DSCC1: variants seen among roughly 807,000 people sequenced by gnomAD.
DSCC1 encodes the protein DNA replication and sister chromatid cohesion 1, also known as sister chromatid cohesion protein DCC1.
A neutral mutation model predicts 48.2 loss-of-function variants in DSCC1; 32 were observed. The observed-to-expected ratio is 0.66, with a 90% CI of 0.50 to 0.89. The LOEUF is 0.89. DSCC1 is among the 40% of genes least tolerant of loss of function. DSCC1 has a pLI of 0.00. For synonymous variants in DSCC1, 150 were observed against 171.5 expected (o/e 0.87, Z 0.98); for missense variants, 421 against 471.7 (o/e 0.89, Z 1.00).
chr8:119,842,041 G>T, intron 6 of DSCC1, 93 bp from the exon 7 acceptor site: 1 of 1,384,548 alleles, frequency 7.2e-7, no homozygotes, highest in Non-Finnish European at 9.8e-7. Context: ...TTCTTGAAAG[G>T]AATTATACAC....
intron 3 of DSCC1, among the ~76,000 whole-genome samples, chr8:119,849,539 A>G (rs1232596302): frequency 6.6e-6 from 1 of 152,236 alleles, no homozygotes; most frequent in Non-Finnish European, 1.5e-5. Flanking sequence ...TGTCCAGAAT[A>G]GGCAAATCTA....
chr8:119,853,286 T>TG, intron 1 of DSCC1, 71 bp from the exon 2 acceptor site: 1 of 1,478,808 alleles, frequency 6.8e-7, no homozygotes, highest in Non-Finnish European at 9.1e-7. Context: ...TAAACAGTTC[T>TG]CAAACCCTCT....
In DSCC1 at chr8:119,847,002, A is replaced by G. The variant is rs774809591; in HGVS notation, c.565T>C (p.Cys189Arg). Residue 189 changes from cysteine (C) to arginine (R), a missense_variant, in exon 4 of 9, where the codon TGT (cysteine) becomes CGT (arginine). By Grantham distance (180) the Cys-to-Arg change is radical. This residue lies in a region of DSCC1 where 238 missense variants were observed against 259.0 expected (regional missense o/e 0.92). Transcript: ENST00000313655. ...TAAGTAACGCTACCTCCAATCTTAC[A>G]GGCATTTAGAACTTGTAATTGGGTC... ...IMTQLQVLNA[C>R]KIGGYWRILE... The G allele has an allele frequency of 6.2e-7, 1 of 1,613,722 alleles. No homozygotes were observed. Among genetic ancestry groups the G allele is most frequent in the South Asian group, 1.1e-5 (1 of 91,080 alleles).
In DSCC1 at chr8:119,834,996, A is replaced by C; in HGVS notation, c.1079T>G (p.Leu360Trp). 2 of 1,579,224 alleles carry C rather than the reference A, an allele frequency of 1.3e-6. No individual in the cohort carries two copies. The highest frequency in any genetic ancestry group is 1.7e-6 in the Non-Finnish European group (2 of 1,153,512). Residue 360 changes from leucine (L) to tryptophan (W), a missense_variant, in exon 9 of 9, where the codon TTG becomes TGG. Transcript: ENST00000313655. ...ACCTATGGTTTGCTTCTCTCCACAC[A>C]AATCTCTGTAGGAACAATAAAAAAT... The part of the protein sequence containing the change: ...EEDIAPYIQD[L>W]CGEKQTIGAL...
At chr8:119,853,011 T>C in intron 2 of DSCC1, 36 bp downstream of exon 2, 1 of 1,493,106 alleles carries the variant, frequency 6.7e-7, no homozygotes, top group South Asian at 1.4e-5. Context: ...GTTTTCATTC[T>C]CAGACTTTTA....
chr8:119,834,732 C>T lies in DSCC1; in HGVS notation c.*161G>A. The T allele has an allele frequency of 1.6e-6, 1 of 630,532 alleles. No individual in the cohort carries two copies. Among genetic ancestry groups the T allele is most frequent in the Non-Finnish European group, 2.8e-6 (1 of 353,010 alleles). 39.1% of individuals were successfully genotyped at this position (630,532 alleles called of 1,614,324 possible). On this transcript the variant is annotated 3_prime_UTR_variant, in exon 9 of 9. Transcript: ENST00000313655. Reference sequence around the variant, plus strand: ...ATAATTTTAAAGCTACATCCTATAACATTTAAGAAATAACAGTAGTTTCAA... The same window carrying T: ...ATAATTTTAAAGCTACATCCTATAATATTTAAGAAATAACAGTAGTTTCAA...
chr8:119,842,909 T>C lies in DSCC1; in HGVS notation c.717-81A>G, dbSNP rs941549584. 8 of 1,174,264 alleles carry C rather than the reference T, an allele frequency of 6.8e-6. No homozygotes were observed. In the African/African-American group the frequency reaches 1.3e-4, roughly 19 times the overall value. 72.7% of individuals were successfully genotyped at this position (1,174,264 alleles called of 1,614,324 possible). A position where few individuals can be genotyped will look rare whatever the true frequency, so the allele number is the denominator to read the frequency against. ...TTTAACCCCATTGCCAACTCAAAATTAAGAAAGAAATTTGAGATTTCAAAT... is the reference window on the plus strand; with the variant it reads ...TTTAACCCCATTGCCAACTCAAAATCAAGAAAGAAATTTGAGATTTCAAAT... On this transcript the variant is annotated intron_variant, in intron 5 of 8. Coordinates refer to ENST00000313655, the MANE Select transcript of DSCC1 (RefSeq NM_024094.3).
chr8:119,843,810 T>G, intron 4 of DSCC1, 63 bp from the exon 5 acceptor site: 1 of 1,519,368 alleles, frequency 6.6e-7, no homozygotes, highest in Non-Finnish European at 8.9e-7. Flanking sequence ...GGGTCTCAAC[T>G]CTGTCACCCA....
intron 3 of DSCC1, among the ~76,000 whole-genome samples, chr8:119,850,132 A>G (rs1235111741): frequency 6.6e-6 from 1 of 152,212 alleles, no homozygotes; most frequent in Non-Finnish European, 1.5e-5. Flanking sequence ...AAAAATTAAA[A>G]AGATGGAAGG....
At position 119,841,838 on chromosome 8, in the gene DSCC1, G is replaced by C. The variant is rs1253124834; in HGVS notation, c.880C>G (p.Gln294Glu). The C allele has an allele frequency of 6.2e-7, 1 of 1,613,884 alleles. No homozygotes were observed. Among genetic ancestry groups the C allele is most frequent in the Non-Finnish European group, 8.5e-7 (1 of 1,179,994 alleles). Residue 294 changes from glutamine to glutamate, a missense_variant, in exon 7 of 9, where the codon CAG becomes GAG. This residue lies in a region of DSCC1 where 238 missense variants were observed against 259.0 expected (regional missense o/e 0.92). Transcript: ENST00000313655. The part of the protein sequence containing the change: ...NLAEFQEVWQ[Q>E]SVPEGMVTSL... The stretch of plus-strand genomic sequence containing the variant: ...GTTACCATTCCTTCAGGAACACTCT[G>C]CTGCCACACTTCTTGAAACTCAGCG...
At chr8:119,842,390 T>TC (rs1228066105) in intron 6 of DSCC1, among the ~76,000 whole-genome samples, 91 of 150,952 alleles carry the variant, frequency 6.0e-4, no homozygotes, top group African/African-American at 2.1e-3. Context: ...TTTTTTTTTT[T>TC]TCTTTCTGAG....
At chr8:119,847,175 AAGG>A in intron 3 of DSCC1, 95 bp from the exon 4 acceptor site, 1 of 1,045,132 alleles carries the variant, frequency 9.6e-7, no homozygotes. Flanking sequence ...AGAACAGATT[AAGG>A]CAATATTTAT....
intron 4 of DSCC1, 46 bp from the exon 5 acceptor site, chr8:119,843,793 T>TA: frequency 6.5e-7 from 1 of 1,536,856 alleles, no homozygotes. Flanking sequence ...TTTTTTTTTT[T>TA]AAGGCAGGGT....
intron 4 of DSCC1, among the ~76,000 whole-genome samples, chr8:119,844,233 T>G (rs562417557): frequency 6.6e-6 from 1 of 151,956 alleles, no homozygotes; most frequent in African/African-American, 2.4e-5. Flanking sequence ...AGGCCAGGAG[T>G]TCGAGACCAG....
rs1826650593 is a variant in DSCC1, at chr8:119,834,775, G to A, written c.*118C>T. On this transcript the variant is annotated 3_prime_UTR_variant, in exon 9 of 9. Transcript: ENST00000313655. ...AGTTTCAAAATGCTTAAGATGAGGA[G>A]AAAAATGCCTTAGAAGACTAGGTTT... 4.3e-6 allele frequency: 3 copies of A among 702,466 alleles called. No individual in the cohort carries two copies. The Admixed American group carries it at 8.4e-5, about 20-fold the overall frequency. 43.5% of individuals were successfully genotyped at this position (702,466 alleles called of 1,614,324 possible).
chr8:119,837,076 G>C (rs1277502622), intron 8 of DSCC1, among the ~76,000 whole-genome samples: 2 of 151,380 alleles, frequency 1.3e-5, no homozygotes, highest in Admixed American at 6.6e-5. Context: ...AAAGCATAGA[G>C]TGAGTATAGG....
intron 2 of DSCC1, among the ~76,000 whole-genome samples, chr8:119,851,047 C>T (rs1027594034): frequency 3.3e-5 from 5 of 152,216 alleles, no homozygotes; most frequent in African/African-American, 9.6e-5. Context: ...TTCCACTGTT[C>T]GATTTGTGAA....
chr8:119,852,423 G>A (rs1437756672), intron 2 of DSCC1, among the ~76,000 whole-genome samples: 7 of 151,994 alleles, frequency 4.6e-5, no homozygotes, highest in Non-Finnish European at 7.4e-5. Flanking sequence ...GCGTGATCTC[G>A]GCTCTCTGAA....
intron 6 of DSCC1, 95 bp downstream of exon 6, chr8:119,842,681 C>A: frequency 8.5e-7 from 1 of 1,176,078 alleles, no homozygotes; most frequent in South Asian, 1.3e-5. Flanking sequence ...CCACTGCACC[C>A]AGCCAGAGTT....
Sources: gnomAD v4.1 joint callset for allele counts (sites outside exome capture counted in the v4.1 genomes callset) on GRCh38, gnomAD v4.1.1 for gene constraint, gnomAD v4.1.1 regional missense constraint, MANE v1.5 for transcripts, NCBI Gene and HGNC (gene_info 2026-07-23, HGNC 2026-07-21) for gene names.